Variants in MAP3K14 observed in about 807,000 individuals in gnomAD.
MAP3K14 encodes NF-kappa-beta-inducing kinase.
A neutral mutation model predicts 99.2 loss-of-function variants in MAP3K14; 16 were observed. The ratio of observed to expected loss-of-function variants is 0.16; its 90% CI spans 0.11 to 0.24. MAP3K14 has a LOEUF of 0.24. Ranked by LOEUF, MAP3K14 falls within the 10% of genes least tolerant of loss-of-function variation. The probability of loss-of-function intolerance (pLI) is 1.00; values close to 1 mark genes in which losing one functional copy is unlikely to be tolerated. For missense variants in MAP3K14, 784 were observed against 1,208.7 expected (o/e 0.65, Z 5.21); for synonymous variants, 462 against 492.4 (o/e 0.94, Z 0.82).
At chr17:45,274,712 T>C in intron 6 of MAP3K14, 119 bp from the exon 7 acceptor site, 2 of 1,294,974 alleles carry the variant, frequency 1.5e-6, no homozygotes, top group Non-Finnish European at 2.1e-6. Context: ...CCAGTGGTGA[T>C]GCAGGGGCCT....
chr17:45,271,034 G>A (rs368083566), intron 10 of MAP3K14, 24 bp downstream of exon 10: 11 of 1,607,136 alleles, frequency 6.8e-6, no homozygotes, highest in Middle Eastern at 1.6e-4. Context: ...CCCCCTGTTG[G>A]CCATGCTGGG....
Position 45,284,914 on chromosome 17 carries a change from T to C in MAP3K14, c.1188A>G (p.Glu396=), listed in dbSNP as rs2044252029. 1 of 1,554,564 alleles carries C rather than the reference T, an allele frequency of 6.4e-7. No homozygotes were observed. Among genetic ancestry groups the C allele is most frequent in the Non-Finnish European group, 8.7e-7 (1 of 1,148,672 alleles). The change falls in exon 6 of 16, where the codon GAA becomes GAG. Residue 396 remains glutamate (E), a synonymous_variant. Coordinates refer to ENST00000344686, the MANE Select transcript of MAP3K14 (RefSeq NM_003954.5). Reference sequence around the variant, plus strand: ...GGAGCTGGTGCGTGGCCCAGTGGACTTCTTCTCGGTACTCATAATCCACTG... The same window carrying C: ...GGAGCTGGTGCGTGGCCCAGTGGACCTCTTCTCGGTACTCATAATCCACTG... ...LKPVDYEYRE[E]VHWATHQLRL...
At chr17:45,295,408 C>G (rs1003913397) in intron 1 of MAP3K14, among the ~76,000 whole-genome samples, 1 of 152,116 alleles carries the variant, frequency 6.6e-6, no homozygotes, top group Non-Finnish European at 1.5e-5. Context: ...TCTACAAAAT[C>G]CCTAGTTCTC....
At position 45,267,425 on chromosome 17, in the gene MAP3K14, T is replaced by C. The variant is rs373775810; in HGVS notation, c.2307A>G (p.Glu769=). ...PERKATVPEQ[E]LQQLEIELFL... ...CCGTACCTATTTCCAGCTGCTGCAG[T>C]TCCTGCTCCGGGACGGTTGCTTTCC... The change falls in exon 12 of 16, where the codon GAA becomes GAG. Residue 769 remains glutamate (E), a synonymous_variant. Transcript: ENST00000344686. This position sits in a 1 kb window ranked among gnomAD's most constrained non-coding sequence, Gnocchi z 5.1. The C allele has an allele frequency of 8.8e-6, 14 of 1,599,454 alleles. No individual in the cohort carries two copies. The African/African-American group carries it at 1.1e-4, about 12-fold the overall frequency.
chr17:45,290,938 C>T, intron 1 of MAP3K14, 173 bp from the exon 2 acceptor site: 1 of 611,772 alleles, frequency 1.6e-6, no homozygotes, highest in Non-Finnish European at 2.9e-6. Flanking sequence ...GAGTCCACCT[C>T]TCAACAGCTA....
chr17:45,284,766 C>T (rs747308623), intron 6 of MAP3K14, 46 bp downstream of exon 6: 1 of 1,549,530 alleles, frequency 6.5e-7, no homozygotes, highest in Non-Finnish European at 8.7e-7. Flanking sequence ...ACACCAGGCC[C>T]CCTTCCTGGC....
At chr17:45,294,417 T>C (rs2044333455) in intron 1 of MAP3K14, among the ~76,000 whole-genome samples, 1 of 152,244 alleles carries the variant, frequency 6.6e-6, no homozygotes. Flanking sequence ...TGAGGAGTTC[T>C]TAATCTAGGT....
At chr17:45,274,651 T>C (rs1598246794) in intron 6 of MAP3K14, 58 bp from the exon 7 acceptor site, 2 of 1,583,464 alleles carry the variant, frequency 1.3e-6, no homozygotes, top group Admixed American at 1.7e-5. Context: ...GCTGGGTCCC[T>C]GGCATCCTGT....
intron 6 of MAP3K14, among the ~76,000 whole-genome samples, chr17:45,279,899 G>A (rs1470601155): frequency 6.6e-6 from 1 of 152,140 alleles, no homozygotes. Flanking sequence ...CACCTCTATC[G>A]AGGTATTTTC....
In MAP3K14 at chr17:45,289,307, T is replaced by TAAAGCAAAAGGA; in HGVS notation, c.257-14_257-3dup. Reference sequence around the variant, plus strand: ...GGCTGAACTCTTGGCTATTCTCACCTAAAGCAAAAGGAGTTGGATTAGCAG... The same window carrying TAAAGCAAAAGGA: ...GGCTGAACTCTTGGCTATTCTCACCTAAAGCAAAAGGAAAAGCAAAAGGAGTTGGATTAGCAG... On this transcript the variant is annotated splice_polypyrimidine_tract_variant and splice_region_variant and intron_variant, in intron 2 of 15. Coordinates refer to ENST00000344686, the MANE Select transcript of MAP3K14 (RefSeq NM_003954.5). 3 of 1,613,706 alleles carry TAAAGCAAAAGGA rather than the reference T, an allele frequency of 1.9e-6. No individual in the cohort carries two copies. Among genetic ancestry groups the TAAAGCAAAAGGA allele is most frequent in the Non-Finnish European group, 2.5e-6 (3 of 1,179,572 alleles).
chr17:45,274,330 A>C (rs2044162896), intron 7 of MAP3K14, 76 bp from the exon 8 acceptor site: 1 of 1,572,722 alleles, frequency 6.4e-7, no homozygotes, highest in Admixed American at 1.9e-5. Flanking sequence ...AGCACAGGGC[A>C]GGCAGTGGAA....
At chr17:45,308,819 C>G (rs1308829000) in intron 1 of MAP3K14, among the ~76,000 whole-genome samples, 4 of 151,978 alleles carry the variant, frequency 2.6e-5, no homozygotes, top group African/African-American at 9.7e-5. Flanking sequence ...AAGTGCCCAC[C>G]AACACACCTG....
chr17:45,276,380 C>G lies in MAP3K14; in HGVS notation c.1291-1787G>C, dbSNP rs969253724. On this transcript the variant is annotated intron_variant, in intron 6 of 15. Transcript: ENST00000344686. Reference sequence around the variant, plus strand: ...ATGCAAACAGCAGGGACGGTGGTATCTGCTCCTGGGTAGAGCAAGGATTTG... The same window carrying G: ...ATGCAAACAGCAGGGACGGTGGTATGTGCTCCTGGGTAGAGCAAGGATTTG... Among the ~76,000 whole-genome samples, 11 of 152,352 alleles carry G rather than the reference C, an allele frequency of 7.2e-5. No individual in the cohort carries two copies. The Middle Eastern group carries it at 0.01, about 141-fold the overall frequency.
At chr17:45,266,393 C>T (rs2044082560) in intron 14 of MAP3K14, 144 bp downstream of exon 14, 1 of 1,079,320 alleles carries the variant, frequency 9.3e-7, no homozygotes, top group African/African-American at 1.6e-5. Context: ...AACTTACTGG[C>T]CAGGAACCTC....
intron 1 of MAP3K14, among the ~76,000 whole-genome samples, chr17:45,309,475 G>A (rs2044455392): frequency 6.6e-6 from 1 of 152,222 alleles, no homozygotes; most frequent in African/African-American, 2.4e-5. Flanking sequence ...GTCCTCCAGG[G>A]CGGTGCCTCA....
chr17:45,294,963 T>C (rs2044336572), intron 1 of MAP3K14, among the ~76,000 whole-genome samples: 1 of 152,232 alleles, frequency 6.6e-6, no homozygotes, highest in Non-Finnish European at 1.5e-5. Flanking sequence ...TATTGGACAG[T>C]GCTGTTCTGA....
intron 14 of MAP3K14, 21 bp from the exon 15 acceptor site, chr17:45,265,284 T>G: frequency 6.5e-7 from 1 of 1,539,560 alleles, no homozygotes; most frequent in African/African-American, 1.4e-5. Context: ...GACAAGGTGA[T>G]AGTCAGGAGA....
rs573303120 is a variant in MAP3K14, at chr17:45,286,285, A to G, written c.1152+146T>C. 2.8e-6 allele frequency: 3 copies of G among 1,055,252 alleles called. No homozygotes were observed. The African/African-American group carries it at 4.8e-5, about 17-fold the overall frequency. The allele number at this position is 1,055,252 out of a possible 1,614,324, so 65.4% of individuals were successfully genotyped here. On this transcript the variant is annotated intron_variant, in intron 5 of 15. Coordinates refer to ENST00000344686, the MANE Select transcript of MAP3K14 (RefSeq NM_003954.5). This position sits in a 1 kb window ranked among gnomAD's most constrained non-coding sequence, Gnocchi z 4.1. ...GGCTGTGAGAAGTGAGATTGGCGGA[A>G]TAAGAGATGATACTTTTCATCCACA... is the stretch of plus-strand genomic sequence containing the variant.
chr17:45,270,284 C>T (rs2044132189), intron 11 of MAP3K14, 129 bp downstream of exon 11: 3 of 1,163,048 alleles, frequency 2.6e-6, no homozygotes, highest in East Asian at 3.0e-5. Flanking sequence ...GAGGCTGCTG[C>T]ACCCCCATAA....
Sources: gnomAD v4.1 joint callset for allele counts (sites outside exome capture counted in the v4.1 genomes callset) on GRCh38, gnomAD v4.1.1 for gene constraint, Gnocchi (gnomAD v3.1) non-coding constraint, MANE v1.5 for transcripts, NCBI Gene and HGNC (gene_info 2026-07-23, HGNC 2026-07-21) for gene names.